KLHL15: variants seen among roughly 807,000 people sequenced by gnomAD.
KLHL15 encodes the protein kelch like family member 15.
Under a neutral mutation model 29.3 loss-of-function variants are expected in KLHL15, and 1 was observed. The observed-to-expected ratio is 0.03, with a 90% CI of 0.01 to 0.16. The LOEUF (loss-of-function observed/expected upper bound fraction) is 0.16. Among genes scored for constraint, KLHL15 ranks in the 10% least tolerant of loss-of-function variants. The pLI, the probability that KLHL15 is intolerant of heterozygous loss-of-function variation, is 1.00. For synonymous variants in KLHL15, 212 were observed against 184.5 expected (o/e 1.15, Z -1.21); for missense variants, 215 against 478.5 (o/e 0.45, Z 5.14).
chrX:24,022,029 G>T (rs780257450), intron 2 of KLHL15, among the ~76,000 whole-genome samples: 2 of 111,293 alleles, frequency 1.8e-5, no homozygotes, highest in Non-Finnish European at 3.8e-5. Context: ...CAAAATCAGG[G>T]AAAAATGTTG....
intron 3 of KLHL15, among the ~76,000 whole-genome samples, chrX:23,993,848 G>A (rs955174623): frequency 9.2e-5 from 10 of 108,652 alleles, no homozygotes; most frequent in African/African-American, 3.4e-4. Flanking sequence ...GGGCAACATG[G>A]CGAAATCCCG....
At chrX:24,013,787 T>G (rs11094946) in intron 2 of KLHL15, among the ~76,000 whole-genome samples, 13,024 of 109,485 alleles carry the variant, frequency 0.12, 978 homozygotes, top group African/African-American at 0.28. Flanking sequence ...GCGGGAGGAT[T>G]GCTTGAGCCC....
chrX:24,007,491 C>CAAAAA (rs1173565203), intron 2 of KLHL15, among the ~76,000 whole-genome samples: 1 of 62,315 alleles, frequency 1.6e-5, no homozygotes, highest in African/African-American at 7.4e-5. Context: ...ACCCCATTTC[C>CAAAAA]AAAAAAAAAA....
At chrX:24,013,902 G>T in intron 2 of KLHL15, among the ~76,000 whole-genome samples, 1 of 110,019 alleles carries the variant, frequency 9.1e-6, no homozygotes, top group African/African-American at 3.3e-5. Context: ...AATTAAACTG[G>T]ATGAAAATTT....
At chrX:23,999,098 G>A (rs1223977675) in intron 3 of KLHL15, among the ~76,000 whole-genome samples, 3 of 109,146 alleles carry the variant, frequency 2.7e-5, no homozygotes, top group Admixed American at 9.8e-5. Flanking sequence ...TAGTAGAGAC[G>A]GAGTTTCACC....
intron 3 of KLHL15, among the ~76,000 whole-genome samples, chrX:23,993,996 A>T (rs1318583013): frequency 1.9e-5 from 2 of 106,702 alleles, no homozygotes; most frequent in Non-Finnish European, 3.9e-5. Context: ...TGCGTGAGCC[A>T]TGATAGTGCC....
chrX:24,023,786 T>C (rs944361093), intron 2 of KLHL15, among the ~76,000 whole-genome samples: 1 of 112,338 alleles, frequency 8.9e-6, no homozygotes, highest in Non-Finnish European at 1.9e-5. Context: ...GAGAATAAAA[T>C]TATATAATTA....
chrX:24,001,802 CAAAA>C (rs766669649), intron 3 of KLHL15, among the ~76,000 whole-genome samples: 5 of 22,656 alleles, frequency 2.2e-4, no homozygotes, highest in African/African-American at 4.8e-4. Context: ...AGACTTGACT[CAAAA>C]AAAAAAAAAA....
intron 3 of KLHL15, among the ~76,000 whole-genome samples, chrX:23,996,688 C>T (rs1328958711): frequency 2.7e-5 from 3 of 111,285 alleles, no homozygotes; most frequent in Non-Finnish European, 5.7e-5. Context: ...ACAAAAAAAC[C>T]CTGTATCAGC....
At position 23,989,001 on chromosome X, in the gene KLHL15, G is replaced by A; in HGVS notation, c.735C>T (p.Ser245=). 1.7e-6 allele frequency: 2 copies of A among 1,205,568 alleles called. No homozygotes were observed. ...GGTCAACTTCGTAACGGAGCTGTCG[G>A]GAGTATCTATAAAATTCTGATGTCT... ...KVKTSEFYRY[S]RQLRYEVDQA... Residue 245 remains serine, a synonymous_variant, in exon 4 of 4, where the codon TCC becomes TCT. Coordinates refer to ENST00000328046, the MANE Select transcript of KLHL15 (RefSeq NM_030624.3).
chrX:24,026,490 C>A (rs572969512), intron 1 of KLHL15, among the ~76,000 whole-genome samples: 1 of 109,142 alleles, frequency 9.2e-6, no homozygotes, highest in Non-Finnish European at 1.9e-5. Context: ...GTTGGAAGCC[C>A]GTGGATCTAC....
intron 3 of KLHL15, among the ~76,000 whole-genome samples, chrX:24,005,164 T>C (rs1166690118): frequency 1.8e-5 from 2 of 111,816 alleles, no homozygotes; most frequent in Non-Finnish European, 3.8e-5. Context: ...CCAATTAAGT[T>C]AAGCAATTAC....
intron 3 of KLHL15, among the ~76,000 whole-genome samples, chrX:24,003,638 C>A (rs1435998898): frequency 1.2e-5 from 1 of 81,756 alleles, no homozygotes; most frequent in Non-Finnish European, 2.2e-5. Flanking sequence ...CATGACCTAG[C>A]ATAAATATAT....
chrX:24,009,190 C>T (rs1248250664), intron 2 of KLHL15, among the ~76,000 whole-genome samples: 4 of 110,675 alleles, frequency 3.6e-5, no homozygotes, highest in African/African-American at 1.3e-4. Context: ...AAAACCCTGT[C>T]TCTACTAAAA....
chrX:24,008,781 G>C (rs1602010244), intron 2 of KLHL15, among the ~76,000 whole-genome samples: 1 of 103,998 alleles, frequency 9.6e-6, no homozygotes, highest in African/African-American at 3.7e-5. Flanking sequence ...TTCCCTCCTC[G>C]ACCTGATTTA....
intron 2 of KLHL15, among the ~76,000 whole-genome samples, chrX:24,017,903 G>C (rs1415225667): frequency 2.7e-5 from 3 of 109,779 alleles, no homozygotes; most frequent in Admixed American, 9.9e-5. Context: ...TCCAGTTCAA[G>C]ACCAGCCTGG....
chrX:23,993,882 A>T (rs962714114), intron 3 of KLHL15, among the ~76,000 whole-genome samples: 4 of 107,151 alleles, frequency 3.7e-5, no homozygotes, highest in Admixed American at 2.0e-4. Context: ...AATAATAATT[A>T]AAAAAATACA....
Position 23,987,776 on chromosome X carries a change from G to C in KLHL15, c.*145C>G. ...AGGCCACTGAAAAGAAAAAAAGGATGCTAGCACAGAATGAAAAATTCTTAC... is the reference window on the plus strand; with the variant it reads ...AGGCCACTGAAAAGAAAAAAAGGATCCTAGCACAGAATGAAAAATTCTTAC... On this transcript the variant is annotated 3_prime_UTR_variant, in exon 4 of 4. Transcript: ENST00000328046. 1.9e-6 allele frequency: 1 copy of C among 532,895 alleles called. No homozygotes were observed. The highest frequency in any genetic ancestry group is 3.0e-6 in the Non-Finnish European group (1 of 334,626). 43.9% of individuals were successfully genotyped at this position (532,895 alleles called of 1,213,427 possible).
At chrX:24,011,027 G>A (rs1459633412) in intron 2 of KLHL15, among the ~76,000 whole-genome samples, 5 of 109,767 alleles carry the variant, frequency 4.6e-5, no homozygotes, top group African/African-American at 9.9e-5. Flanking sequence ...CTAAAAAGAC[G>A]CCACTTCTCC....
Sources: gnomAD v4.1 joint callset for allele counts (sites outside exome capture counted in the v4.1 genomes callset) on GRCh38, gnomAD v4.1.1 for gene constraint, MANE v1.5 for transcripts, NCBI Gene and HGNC (gene_info 2026-07-23, HGNC 2026-07-21) for gene names.